Variants in TP63 observed in about 807,000 individuals in gnomAD.
TP63 encodes the protein tumor protein p63, also known as tumor protein 63.
A neutral mutation model predicts 82.8 loss-of-function variants in TP63; 17 were observed. That is an observed-to-expected ratio of 0.21 (90% CI 0.14 to 0.31). TP63 has a LOEUF of 0.31. Among genes scored for constraint, TP63 ranks in the 10% least tolerant of loss-of-function variants. The pLI is 1.00. For missense variants in TP63, 648 were observed against 895.3 expected (o/e 0.72, Z 3.52); for synonymous variants, 330 against 321.7 (o/e 1.03, Z -0.28).
intron 3 of TP63, among the ~76,000 whole-genome samples, chr3:189,792,087 T>C (rs926932248): frequency 6.6e-6 from 1 of 152,096 alleles, no homozygotes; most frequent in Non-Finnish European, 1.5e-5. Context: ...TTTGAGTTGA[T>C]AACTCAAAAA....
chr3:189,620,197 C>A, the TP63 span, among the ~76,000 whole-genome samples: 12 of 151,038 alleles, frequency 7.9e-5, no homozygotes, highest in Non-Finnish European at 1.8e-4. Flanking sequence ...ATGGTGAAAC[C>A]CCATCTCTAC....
intron 10 of TP63, among the ~76,000 whole-genome samples, chr3:189,884,811 A>G (rs1417944991): frequency 2.0e-5 from 3 of 152,238 alleles, no homozygotes; most frequent in African/African-American, 7.2e-5. Context: ...ACACATTAAA[A>G]TACAGCATAT....
intron 1 of TP63, among the ~76,000 whole-genome samples, chr3:189,688,854 C>T (rs150299046): frequency 2.8e-4 from 42 of 152,252 alleles, no homozygotes; most frequent in African/African-American, 9.6e-4. Flanking sequence ...CCTGTACCAC[C>T]TTATTCTTTC....
chr3:189,881,503 A>G, intron 10 of TP63: 7 of 985,266 alleles, frequency 7.1e-6, no homozygotes, highest in Non-Finnish European at 8.4e-6. Flanking sequence ...TTTATCTTGC[A>G]GTTTTTTTGT....
At chr3:189,656,926 G>T (rs1236090241) in intron 1 of TP63, among the ~76,000 whole-genome samples, 1 of 81,434 alleles carries the variant, frequency 1.2e-5, no homozygotes, top group Non-Finnish European at 2.9e-5. Context: ...CAACCAAGAT[G>T]TTCTTCAACA....
chr3:189,638,376 T>A (rs1711525872), intron 1 of TP63, among the ~76,000 whole-genome samples: 1 of 152,080 alleles, frequency 6.6e-6, no homozygotes, highest in Admixed American at 6.6e-5. Context: ...AAAGTACTTG[T>A]ATAGAAATAA....
At chr3:189,727,553 A>T (rs1719859132) in intron 1 of TP63, among the ~76,000 whole-genome samples, 1 of 152,170 alleles carries the variant, frequency 6.6e-6, no homozygotes, top group South Asian at 2.1e-4. Context: ...ATTTTTTCCA[A>T]GAAGTTCTAC....
At chr3:189,722,551 G>T (rs533551322) in intron 1 of TP63, among the ~76,000 whole-genome samples, 1 of 152,134 alleles carries the variant, frequency 6.6e-6, no homozygotes, top group African/African-American at 2.4e-5. Context: ...GCCAGTGAAC[G>T]CATTGGGCCT....
chr3:189,700,140 A>C (rs982420689), intron 1 of TP63, among the ~76,000 whole-genome samples: 1 of 152,302 alleles, frequency 6.6e-6, no homozygotes, highest in African/African-American at 2.4e-5. Context: ...CAGGTTGTGC[A>C]ATAACTTGAG....
intron 4 of TP63, among the ~76,000 whole-genome samples, chr3:189,851,515 C>T (rs1279795482): frequency 1.3e-5 from 2 of 152,118 alleles, no homozygotes; most frequent in Non-Finnish European, 2.9e-5. Flanking sequence ...GCAGAGGTTG[C>T]CGTGAGACAG....
chr3:189,801,673 AT>A (rs1726316588), intron 3 of TP63, among the ~76,000 whole-genome samples: 1 of 152,062 alleles, frequency 6.6e-6, no homozygotes, highest in South Asian at 2.1e-4. Flanking sequence ...ACAACTTTGT[AT>A]TTATTTCTCT....
chr3:189,863,110 A>G (rs1717240058), intron 4 of TP63, among the ~76,000 whole-genome samples: 2 of 152,330 alleles, frequency 1.3e-5, no homozygotes, highest in South Asian at 2.1e-4. Flanking sequence ...GATTGCCACT[A>G]TGGCTCTGCC....
intron 1 of TP63, among the ~76,000 whole-genome samples, chr3:189,689,554 G>T (rs1367030311): frequency 6.6e-6 from 1 of 152,078 alleles, no homozygotes; most frequent in Non-Finnish European, 1.5e-5. Context: ...CCATTGTTGA[G>T]CTACTGGGGA....
intron 1 of TP63, among the ~76,000 whole-genome samples, chr3:189,691,363 AAAAG>A (rs1716914826): frequency 6.6e-6 from 1 of 151,552 alleles, no homozygotes; most frequent in Non-Finnish European, 1.5e-5. Flanking sequence ...AAAAAAAAGA[AAAAG>A]AAAAAGAAAA....
At chr3:189,871,330 G>C (rs960183884) in intron 9 of TP63, among the ~76,000 whole-genome samples, 4 of 152,050 alleles carry the variant, frequency 2.6e-5, no homozygotes, top group African/African-American at 9.7e-5. Context: ...CAACTACCTT[G>C]CCTTCTATTG....
At chr3:189,704,506 C>A (rs887535267) in intron 1 of TP63, among the ~76,000 whole-genome samples, 1 of 152,200 alleles carries the variant, frequency 6.6e-6, no homozygotes, top group African/African-American at 2.4e-5. Context: ...CCCCTAATAC[C>A]TGCTTTCATT....
At chr3:189,695,871 C>A (rs138484669) in intron 1 of TP63, among the ~76,000 whole-genome samples, 1 of 152,070 alleles carries the variant, frequency 6.6e-6, no homozygotes, top group Non-Finnish European at 1.5e-5. Context: ...GCTTATATAT[C>A]GTTCATTCGG....
chr3:189,782,068 A>G (rs1169922744), intron 3 of TP63, among the ~76,000 whole-genome samples: 1 of 152,188 alleles, frequency 6.6e-6, no homozygotes, highest in Non-Finnish European at 1.5e-5. Flanking sequence ...GCAGATGCAG[A>G]ACTTAACCCA....
chr3:189,685,432 G>C (rs1485115247), intron 1 of TP63, among the ~76,000 whole-genome samples: 1 of 152,014 alleles, frequency 6.6e-6, no homozygotes, highest in Non-Finnish European at 1.5e-5. Flanking sequence ...CACTTCTCCT[G>C]CCTTTATTCT....
Sources: gnomAD v4.1 joint callset for allele counts (sites outside exome capture counted in the v4.1 genomes callset) on GRCh38, gnomAD v4.1.1 for gene constraint, MANE v1.5 for transcripts, NCBI Gene and HGNC (gene_info 2026-07-23, HGNC 2026-07-21) for gene names.